Variants in PCSK1 observed in about 807,000 individuals in gnomAD.
PCSK1 encodes the protein proprotein convertase subtilisin/kexin type 1, also known as neuroendocrine convertase 1.
In PCSK1, 56 loss-of-function variants were observed where a neutral mutation model predicts 90.6. The observed-to-expected ratio is 0.62, with a 90% CI of 0.50 to 0.77. The LOEUF (loss-of-function observed/expected upper bound fraction) is 0.77. Among genes scored for constraint, PCSK1 ranks in the 30% least tolerant of loss-of-function variants. The pLI is 0.00. For missense variants in PCSK1, 801 were observed against 932.6 expected, an observed-to-expected ratio of 0.86 and a Z score of 1.84; for synonymous variants, 348 against 342.4, an observed-to-expected ratio of 1.02 and a Z score of -0.18.
At chr5:96,406,328 G>T (rs75975273) in intron 9 of PCSK1, among the ~76,000 whole-genome samples, 3,106 of 152,224 alleles carry the variant, frequency 0.02, 120 homozygotes, top group African/African-American at 0.072. Context: ...ATCTGCTGAT[G>T]CCAGTCTCAG....
Position 96,423,282 on chromosome 5 carries a change from A to T in PCSK1, c.543+31T>A, listed in dbSNP as rs113370688. Reference sequence around the variant, plus strand: ...TGTGTGTCTGCACAGACAGCTCCCTAAGTCACAGTCATGAGAAGGCACACA... The same window carrying T: ...TGTGTGTCTGCACAGACAGCTCCCTTAGTCACAGTCATGAGAAGGCACACA... On this transcript the variant is annotated intron_variant, in intron 4 of 13. Coordinates refer to ENST00000311106, the MANE Select transcript of PCSK1 (RefSeq NM_000439.5). The T allele has an allele frequency of 1.8e-3, 2,885 of 1,589,038 alleles. 62 individuals are homozygous for T. The African/African-American group carries it at 0.035, about 19-fold the overall frequency.
chr5:96,432,208 G>A, intron 1 of PCSK1: 3 of 1,275,192 alleles, frequency 2.4e-6, no homozygotes, highest in Non-Finnish European at 2.2e-6. Flanking sequence ...TGAAAAGCCG[G>A]AGCTCCCTAG....
chr5:96,410,443 A>G (rs1214213757), intron 8 of PCSK1, among the ~76,000 whole-genome samples: 1 of 152,036 alleles, frequency 6.6e-6, no homozygotes, highest in Non-Finnish European at 1.5e-5. Flanking sequence ...TACAACCCTG[A>G]GATCTCCTTT....
chr5:96,409,607 T>G (rs1033121329), intron 8 of PCSK1, among the ~76,000 whole-genome samples: 1 of 152,230 alleles, frequency 6.6e-6, no homozygotes, highest in Admixed American at 6.5e-5. Context: ...AGGAACAGTC[T>G]GTGAAATGGT....
chr5:96,412,750 A>ATTTTTTTTTTTTTT (rs1451878228), intron 6 of PCSK1, among the ~76,000 whole-genome samples: 8 of 63,378 alleles, frequency 1.3e-4, no homozygotes, highest in African/African-American at 6.4e-4. Flanking sequence ...GGCAGCTGTG[A>ATTTTTTTTTTTTTT]TGTTTTTTTT....
intron 5 of PCSK1, among the ~76,000 whole-genome samples, chr5:96,416,862 C>A (rs1760953010): frequency 6.6e-6 from 1 of 152,196 alleles, no homozygotes; most frequent in Non-Finnish European, 1.5e-5. Context: ...CTTCCAAACA[C>A]CAAATTCCAC....
chr5:96,419,650 G>A (rs1214569043), intron 5 of PCSK1, among the ~76,000 whole-genome samples: 1 of 151,848 alleles, frequency 6.6e-6, no homozygotes, highest in Non-Finnish European at 1.5e-5. Flanking sequence ...TCTCAATGCT[G>A]TGTGGAAGAT....
chr5:96,425,928 C>A lies in PCSK1; in HGVS notation c.288G>T (p.Val96=), dbSNP rs1247235943. The part of the protein sequence containing the change: ...ITKRLSDDDR[V]IWAEQQYEKE... ...TTTCATACTGTTGTTCAGCCCATAT[C>A]ACCTACAAGGATTTTTATAGCAAGA... Residue 96 remains valine (V), a splice_region_variant and synonymous_variant, in exon 3 of 14, where the codon GTG becomes GTT. Transcript: ENST00000311106. 6.3e-7 allele frequency: 1 copy of A among 1,589,944 alleles called. No homozygotes were observed. The highest frequency in any genetic ancestry group is 1.3e-5 in the African/African-American group (1 of 74,546).
intron 8 of PCSK1, among the ~76,000 whole-genome samples, chr5:96,409,193 C>G (rs1445235925): frequency 6.6e-6 from 1 of 152,196 alleles, no homozygotes; most frequent in Non-Finnish European, 1.5e-5. Flanking sequence ...GACCACGGCG[C>G]TGCTGGTTGG....
At chr5:96,404,306 C>T (rs1760482286) in intron 9 of PCSK1, among the ~76,000 whole-genome samples, 1 of 152,120 alleles carries the variant, frequency 6.6e-6, no homozygotes, top group South Asian at 2.1e-4. Context: ...AAAAGGAATT[C>T]CTAGGTTGAA....
chr5:96,401,931 G>C (rs1371802895), intron 9 of PCSK1, among the ~76,000 whole-genome samples: 1 of 152,166 alleles, frequency 6.6e-6, no homozygotes, highest in African/African-American at 2.4e-5. Context: ...AAAACATATT[G>C]CTCCTAGTCA....
rs1201031214 is a variant in PCSK1, at chr5:96,390,598, G to A, written c.*2403C>T. ...ATGCCTTTCAAAAATATTTTATTGG[G>A]TGAAACTTTCTTATTCTCAGGAAAA... is the stretch of plus-strand genomic sequence containing the variant. On this transcript the variant is annotated 3_prime_UTR_variant, in exon 14 of 14. Coordinates refer to ENST00000311106, the MANE Select transcript of PCSK1 (RefSeq NM_000439.5). 6.6e-6 allele frequency: 1 copy of A among 152,496 alleles called. No individual in the cohort carries two copies. Among genetic ancestry groups the A allele is most frequent in the African/African-American group, 2.4e-5 (1 of 41,432 alleles). 9.4% of individuals were successfully genotyped at this position (152,496 alleles called of 1,614,324 possible). A position where few individuals can be genotyped will look rare whatever the true frequency, so the allele number is the denominator to read the frequency against.
intron 3 of PCSK1, among the ~76,000 whole-genome samples, chr5:96,425,602 T>G (rs1270130537): frequency 6.6e-6 from 1 of 152,166 alleles, no homozygotes; most frequent in African/African-American, 2.4e-5. Flanking sequence ...ACAACCTATT[T>G]TTTTCACAGC....
intron 2 of PCSK1, 132 bp downstream of exon 2, chr5:96,429,078 AAAT>A (rs1368729703): frequency 1.6e-6 from 1 of 614,888 alleles, no homozygotes; most frequent in East Asian, 2.8e-5. Flanking sequence ...AAGAAATTAG[AAAT>A]AATACAGATA....
In PCSK1 at chr5:96,392,522, C is replaced by T. The variant is rs1281928883; in HGVS notation, c.*479G>A. The T allele has an allele frequency of 3.0e-5, 5 of 168,570 alleles. No individual in the cohort carries two copies. The highest frequency in any genetic ancestry group is 1.7e-4 in the Admixed American group (3 of 17,400). 10.4% of individuals were successfully genotyped at this position (168,570 alleles called of 1,614,324 possible). ...AGGGAATGAGTCTTACAGTGAACTC[C>T]TTCATTAGGCCTACCAAATACTTTC... On this transcript the variant is annotated 3_prime_UTR_variant, in exon 14 of 14. Transcript: ENST00000311106.
chr5:96,412,486 T>A lies in PCSK1; in HGVS notation c.714A>T (p.Ile238=). 2 of 1,613,860 alleles carry A rather than the reference T, an allele frequency of 1.2e-6. No homozygotes were observed. The highest frequency in any genetic ancestry group is 2.2e-5 in the South Asian group (2 of 91,076). The part of the protein sequence containing the change: ...GVAYNSKVGG[I]RMLDGIVTDA... ...CCGTCACAATGCCATCCAGCATTCT[T>A]ATGCCTGAGAAACAAAATAAACAAA... Residue 238 remains isoleucine, a synonymous_variant, in exon 7 of 14, where the codon ATA becomes ATT. Transcript: ENST00000311106.
intron 5 of PCSK1, among the ~76,000 whole-genome samples, chr5:96,420,486 C>A (rs772084868): frequency 6.6e-6 from 1 of 152,090 alleles, no homozygotes; most frequent in African/African-American, 2.4e-5. Context: ...GGGATATTTG[C>A]GGTTAACCCC....
intron 9 of PCSK1, 69 bp downstream of exon 9, chr5:96,408,154 A>T: frequency 8.8e-7 from 1 of 1,137,996 alleles, no homozygotes; most frequent in South Asian, 1.3e-5. Flanking sequence ...GTATTCAGAA[A>T]AAAAAGTGTT....
At chr5:96,415,239 A>T (rs933201718) in intron 6 of PCSK1, among the ~76,000 whole-genome samples, 10 of 152,188 alleles carry the variant, frequency 6.6e-5, no homozygotes, top group Non-Finnish European at 1.3e-4. Context: ...AACTGAAGAC[A>T]CCAGCAAGAG....
Sources: allele counts gnomAD v4.1 joint callset (sites outside exome capture counted in the v4.1 genomes callset), GRCh38; gene constraint gnomAD v4.1.1; transcripts MANE v1.5; gene names NCBI Gene and HGNC (gene_info 2026-07-23, HGNC 2026-07-21).